Variants in PCBP3 observed in about 807,000 individuals in gnomAD.
PCBP3 encodes the protein poly(rC)-binding protein 3.
PCBP3 carries 25 observed loss-of-function variants against 52.7 expected under a neutral mutation model. That is an observed-to-expected ratio of 0.47 (90% CI 0.35 to 0.66). The LOEUF is 0.66. Ranked by LOEUF, PCBP3 falls within the 30% of genes least tolerant of loss-of-function variation. The pLI, the probability that PCBP3 is intolerant of heterozygous loss-of-function variation, is 0.01. For synonymous variants in PCBP3, 162 were observed against 183.0 expected, an observed-to-expected ratio of 0.89 and a Z score of 0.93; for missense variants, 391 against 490.3, an observed-to-expected ratio of 0.80 and a Z score of 1.91.
At chr21:45,696,079 CAAAAAAAA>C (rs71185164) in intron 2 of PCBP3, among the ~76,000 whole-genome samples, 2 of 39,638 alleles carry the variant, frequency 5.0e-5, no homozygotes, top group African/African-American at 1.9e-4. Context: ...GACTCTGTCT[CAAAAAAAA>C]AAAAAAAAAA....
chr21:45,808,290 A>C (rs970076626), intron 4 of PCBP3, among the ~76,000 whole-genome samples: 3 of 152,212 alleles, frequency 2.0e-5, no homozygotes, highest in Non-Finnish European at 4.4e-5. Context: ...TTTGCAATCT[A>C]TCCATCTGAC....
chr21:45,929,321 C>T (rs534852072), intron 13 of PCBP3, among the ~76,000 whole-genome samples: 35 of 152,276 alleles, frequency 2.3e-4, no homozygotes, highest in Admixed American at 7.2e-4. Context: ...CCAGGAAAGG[C>T]AAGACGCTTC....
At chr21:45,902,942 TG>T (rs2096101926) in intron 9 of PCBP3, among the ~76,000 whole-genome samples, 1 of 152,238 alleles carries the variant, frequency 6.6e-6, no homozygotes, top group Non-Finnish European at 1.5e-5. Flanking sequence ...ATTCCCACTG[TG>T]GGGGACACTC....
chr21:45,850,534 T>C (rs1434256254), intron 5 of PCBP3, among the ~76,000 whole-genome samples: 1 of 152,152 alleles, frequency 6.6e-6, no homozygotes, highest in Non-Finnish European at 1.5e-5. Context: ...CTGCAGACAT[T>C]AGTGCCGTGG....
intron 5 of PCBP3, among the ~76,000 whole-genome samples, chr21:45,893,247 G>T (rs2095726560): frequency 6.6e-6 from 1 of 151,350 alleles, no homozygotes; most frequent in South Asian, 2.1e-4. Flanking sequence ...GAGGGAGGGG[G>T]CTCTGTGTTG....
rs551661063 is a variant in PCBP3 at position 45,837,455 on chromosome 21, A to G, written c.-125-12506A>G. ...AGCCTAGGGATGGCGCTGTGAGAAC[A>G]GGCCACGGCGCCCTAGCTTCAGGTT... On this transcript the variant is annotated intron_variant, in intron 4 of 17. Coordinates refer to ENST00000681687, the MANE Select transcript of PCBP3 (RefSeq NM_001384156.1). The surrounding 1 kb of genome is among the most constrained non-coding windows in gnomAD (Gnocchi z 4.1). Among the ~76,000 whole-genome samples the G allele has an allele frequency of 3.9e-5, 6 of 152,346 alleles. No homozygotes were observed. In the South Asian group the frequency reaches 1.2e-3, roughly 32 times the overall value.
intron 4 of PCBP3, among the ~76,000 whole-genome samples, chr21:45,842,407 TGTTC>T (rs1390987332): frequency 1.3e-5 from 2 of 152,094 alleles, no homozygotes; most frequent in African/African-American, 4.8e-5. Context: ...TTTGTTTGTT[TGTTC>T]GTTCTCCATA....
At chr21:45,891,645 C>G (rs1383996960) in intron 5 of PCBP3, among the ~76,000 whole-genome samples, 1 of 152,102 alleles carries the variant, frequency 6.6e-6, no homozygotes, top group Non-Finnish European at 1.5e-5. Flanking sequence ...TGTGGGACAC[C>G]CCAGGGGTAT....
At chr21:45,893,809 C>T (rs947870053) in intron 5 of PCBP3, 2 of 985,338 alleles carry the variant, frequency 2.0e-6, no homozygotes, top group African/African-American at 3.5e-5. Context: ...AGAACGGGCT[C>T]CATTCTGAGA....
rs181379903 is a variant in PCBP3, at chr21:45,818,878, T to C, written c.-125-31083T>C. The stretch of plus-strand genomic sequence containing the variant: ...TGAAGTGATGCGGAGGAACCTTGAA[T>C]GCGTGTTACTTAGTGAAAGAGGCCA... On this transcript the variant is annotated intron_variant, in intron 4 of 17. Transcript: ENST00000681687. Among the ~76,000 whole-genome samples the C allele has an allele frequency of 7.9e-4, 120 of 152,334 alleles. 1 individual carries two copies. Among genetic ancestry groups the C allele is most frequent in the African/African-American group, 2.6e-3 (107 of 41,562 alleles).
chr21:45,797,324 A>T (rs375996187), intron 4 of PCBP3, among the ~76,000 whole-genome samples: 1 of 117,216 alleles, frequency 8.5e-6, no homozygotes, highest in Non-Finnish European at 1.9e-5. Context: ...GCATAGGTCC[A>T]TAGAGAGAGT....
intron 5 of PCBP3, among the ~76,000 whole-genome samples, chr21:45,891,225 G>A (rs774422519): frequency 2.0e-5 from 3 of 152,186 alleles, no homozygotes; most frequent in African/African-American, 4.8e-5. Context: ...TGCTGCTTCC[G>A]CAGGATCCAA....
intron 2 of PCBP3, among the ~76,000 whole-genome samples, chr21:45,718,877 A>G (rs925668540): frequency 2.0e-5 from 3 of 152,200 alleles, no homozygotes; most frequent in African/African-American, 7.2e-5. Flanking sequence ...AAATTGATGA[A>G]TGGCTTCTAA....
At chr21:45,691,265 C>T (rs928375646) in intron 2 of PCBP3, among the ~76,000 whole-genome samples, 1 of 151,264 alleles carries the variant, frequency 6.6e-6, no homozygotes, top group Non-Finnish European at 1.5e-5. Flanking sequence ...TCATATGATT[C>T]TATTTACATA....
intron 2 of PCBP3, among the ~76,000 whole-genome samples, chr21:45,701,985 A>G (rs1034785696): frequency 6.6e-5 from 10 of 152,252 alleles, no homozygotes; most frequent in African/African-American, 2.4e-4. Context: ...GTCCTTCTGC[A>G]TTAATCTGTT....
chr21:45,702,341 T>C (rs1401621534), intron 2 of PCBP3, among the ~76,000 whole-genome samples: 1 of 152,196 alleles, frequency 6.6e-6, no homozygotes, highest in Non-Finnish European at 1.5e-5. Flanking sequence ...CATTTCTGTA[T>C]ACAGTGTCAA....
rs542077036 is a variant in PCBP3 at position 45,930,856 on chromosome 21, GC to G, written c.856+13del. The G allele has an allele frequency of 2.0e-3, 3,256 of 1,612,760 alleles. 6 individuals are homozygous for G. Among genetic ancestry groups the G allele is most frequent in the Non-Finnish European group, 2.4e-3 (2,809 of 1,179,492 alleles). ...TGGGCCAGTCATCAGGTAACACAAA[GC>G]CACACTGACAGGAGAACAGGCCAGG... is the stretch of plus-strand genomic sequence containing the variant. On this transcript the variant is annotated intron_variant, in intron 15 of 17. Transcript: ENST00000681687.
intron 5 of PCBP3, among the ~76,000 whole-genome samples, chr21:45,881,967 T>C (rs2095415525): frequency 6.6e-6 from 1 of 152,188 alleles, no homozygotes. Flanking sequence ...GATTCCACCA[T>C]ATCTAGGCTG....
At chr21:45,666,008 TAAA>T (rs2080770467) in intron 1 of PCBP3, among the ~76,000 whole-genome samples, 1 of 151,996 alleles carries the variant, frequency 6.6e-6, no homozygotes, top group Admixed American at 6.6e-5. Flanking sequence ...TAAACAGAAT[TAAA>T]AACAAAAGCC....
Sources: gnomAD v4.1 joint callset for allele counts (sites outside exome capture counted in the v4.1 genomes callset) on GRCh38, gnomAD v4.1.1 for gene constraint, Gnocchi (gnomAD v3.1) non-coding constraint, MANE v1.5 for transcripts, NCBI Gene and HGNC (gene_info 2026-07-23, HGNC 2026-07-21) for gene names.